Variants in ARAF observed in about 807,000 individuals in gnomAD.
The protein encoded by ARAF is A-Raf proto-oncogene, serine/threonine kinase, also known as serine/threonine-protein kinase A-Raf.
Under a neutral mutation model 48.0 loss-of-function variants are expected in ARAF, and 18 were observed. The observed-to-expected ratio is 0.37, with a 90% confidence interval of 0.26 to 0.56. The LOEUF (loss-of-function observed/expected upper bound fraction) is 0.56, where lower values mean the gene tolerates loss of function less well. Ranked by LOEUF, ARAF falls within the 20% of genes least tolerant of loss-of-function variation. ARAF has a pLI of 0.77. For synonymous variants in ARAF, 207 were observed against 220.1 expected, an observed-to-expected ratio of 0.94 and a Z score of 0.53; for missense variants, 389 against 543.1, an observed-to-expected ratio of 0.72 and a Z score of 2.82.
chrX:47,562,161 C>G (rs766682123), intron 1 of ARAF, among the ~76,000 whole-genome samples: 18 of 110,121 alleles, frequency 1.6e-4, no homozygotes, highest in African/African-American at 6.0e-4. Context: ...TCCTCTCTTT[C>G]CCATCACCGT....
In ARAF at chrX:47,567,079, C is replaced by T. The variant is rs754104664; in HGVS notation, c.821C>T (p.Ser274Leu). The change falls in exon 9 of 16, where the codon TCA (serine) becomes TTA (leucine). Residue 274 changes from serine (S) to leucine (L), a missense_variant. Ser to Leu is a moderately radical substitution (Grantham distance 145). Transcript: ENST00000377045. ...SSGRKSPHSKSPAEQRERKSL... is the reference protein window; with the variant it reads ...SSGRKSPHSKLPAEQRERKSL... ...GGGAGGAAGTCCCCACATTCCAAGTCACCAGCAGAGCAGCGCGAGCGGAAG... is the reference window on the plus strand; with the variant it reads ...GGGAGGAAGTCCCCACATTCCAAGTTACCAGCAGAGCAGCGCGAGCGGAAG... The T allele has an allele frequency of 8.2e-7, 1 of 1,212,138 alleles. No individual in the cohort carries two copies. The highest frequency in any genetic ancestry group is 2.2e-5 in the Admixed American group (1 of 46,098).
In ARAF at chrX:47,567,125, G is replaced by C; in HGVS notation, c.867G>C (p.Lys289Asn). ...RERKSLADDK[K>N]KVKNLGYRDS... Reference sequence around the variant, plus strand: ...GGAAGTCCTTGGCCGATGACAAGAAGAAAGTGGTATGCTCGAGGGGGATCC... The same window carrying C: ...GGAAGTCCTTGGCCGATGACAAGAACAAAGTGGTATGCTCGAGGGGGATCC... Residue 289 changes from lysine to asparagine, a missense_variant, in exon 9 of 16, where the codon AAG becomes AAC. Lys to Asn is a moderately conservative substitution (Grantham distance 94). This residue lies in a region of ARAF where 154 missense variants were observed against 133.6 expected (regional missense o/e 1.15). Transcript: ENST00000377045. 3 of 1,211,243 alleles carry C rather than the reference G, an allele frequency of 2.5e-6. No homozygotes were observed. Among genetic ancestry groups the C allele is most frequent in the Non-Finnish European group, 3.4e-6 (3 of 895,077 alleles).
Position 47,570,038 on chromosome X carries a change from C to T in ARAF, c.1551+14C>T. The T allele has an allele frequency of 7.5e-6, 9 of 1,203,623 alleles. No individual in the cohort carries two copies. The highest frequency in any genetic ancestry group is 1.0e-5 in the Non-Finnish European group (9 of 892,533). On this transcript the variant is annotated intron_variant, in intron 14 of 15. Transcript: ENST00000377045. ...TGCCGTGACCAGGTGAGCCCCACAC[C>T]TTACCCACAGTTCCCTGGGCTGAGG... is the stretch of plus-strand genomic sequence containing the variant.
chrX:47,561,925 C>T (rs775441061), intron 1 of ARAF, among the ~76,000 whole-genome samples: 6 of 105,941 alleles, frequency 5.7e-5, no homozygotes, highest in African/African-American at 2.1e-4. Context: ...CATTACAGTC[C>T]CTAGTGACGC....
intron 15 of ARAF, 107 bp from the exon 16 acceptor site, chrX:47,571,215 GT>G (rs767298730): frequency 0.49 from 392,599 of 801,697 alleles, 55,978 homozygotes; most frequent in South Asian, 0.65. Context: ...ACTGTTGGGT[GT>G]GTGTGTGTGT....
chrX:47,569,899 G>T lies in ARAF; in HGVS notation c.1426G>T (p.Glu476Ter). Residue 476 changes from glutamate (E) to a stop codon, truncating the protein, a stop_gained, in exon 14 of 16, where the codon GAG (glutamate) becomes TAG (stop). Transcript: ENST00000377045. LOFTEE classifies it high-confidence loss of function. ...PSGSVLWMAA[E>*]VIRMQDPNPY... ...CTGGTCTGGCCTGTTGTAGGCAGCT[G>T]AGGTGATCCGTATGCAGGACCCGAA... 1 of 1,207,202 alleles carries T rather than the reference G, an allele frequency of 8.3e-7. No homozygotes were observed. The highest frequency in any genetic ancestry group is 1.1e-6 in the Non-Finnish European group (1 of 893,575).
chrX:47,567,331 T>C lies in ARAF; in HGVS notation c.975T>C (p.Phe325=), dbSNP rs763218688. The part of the protein sequence containing the change: ...RIGTGSFGTV[F]RGRWHGDVAV... ...GGACGGGCTCGTTTGGCACCGTGTT[T>C]CGAGGGCGGTGGCATGGCGATGTGG... is the stretch of plus-strand genomic sequence containing the variant. The change falls in exon 10 of 16, where the codon TTT becomes TTC. Residue 325 remains phenylalanine, a synonymous_variant. Coordinates refer to ENST00000377045, the MANE Select transcript of ARAF (RefSeq NM_001654.5). 9.9e-6 allele frequency: 12 copies of C among 1,209,049 alleles called. No individual in the cohort carries two copies. The Admixed American group carries it at 2.6e-4, about 26-fold the overall frequency.
At chrX:47,570,838 G>A in intron 14 of ARAF, 40 bp from the exon 15 acceptor site, 1 of 1,179,493 alleles carries the variant, frequency 8.5e-7, no homozygotes, top group Non-Finnish European at 1.1e-6. Flanking sequence ...CCCAGCCCCT[G>A]ACCCCAGATC....
At chrX:47,564,739 C>G in intron 3 of ARAF, 58 bp from the exon 4 acceptor site, 1 of 1,011,616 alleles carries the variant, frequency 9.9e-7, no homozygotes, top group Non-Finnish European at 1.4e-6. Flanking sequence ...TGGGGGTTCC[C>G]TGCCTCCCCA....
chrX:47,568,630 G>A, intron 10 of ARAF, 88 bp from the exon 11 acceptor site: 1 of 981,527 alleles, frequency 1.0e-6, no homozygotes, highest in Non-Finnish European at 1.4e-6. Context: ...GACCGAGGAA[G>A]GTAAAGAACA....
chrX:47,568,918 G>A (rs764666706), intron 11 of ARAF, 24 bp downstream of exon 11: 4 of 1,201,748 alleles, frequency 3.3e-6, no homozygotes, highest in Non-Finnish European at 4.5e-6. Flanking sequence ...CCTGGGGAGG[G>A]GTGGGGGGAA....
chrX:47,561,972 C>G (rs995236867), intron 1 of ARAF, among the ~76,000 whole-genome samples: 2 of 66,679 alleles, frequency 3.0e-5, no homozygotes, highest in African/African-American at 8.7e-5. Flanking sequence ...TGTAGTGACC[C>G]CCCCCCCCCA....
Position 47,568,893 on chromosome X carries a change from G to A in ARAF, c.1252G>A (p.Asp418Asn). Residue 418 changes from aspartate to asparagine, a missense_variant and splice_region_variant, in exon 11 of 16, where the codon GAC becomes AAC. By Grantham distance (23) the Asp-to-Asn change is conservative. Around this residue, in one of 4 missense-constraint regions of ARAF, gnomAD observed 170 missense variants for 281.4 expected, o/e 0.60. Coordinates refer to ENST00000377045, the MANE Select transcript of ARAF (RefSeq NM_001654.5). ...GGCCCGGCAGACTGCCCAGGGCATG[G>A]AGTGAGCCTCCCAGCCTGGGGAGGG... ...DVARQTAQGM[D>N]YLHAKNIIHR... is the part of the protein sequence containing the mutation. 8.3e-7 allele frequency: 1 copy of A among 1,209,431 alleles called. No homozygotes were observed. The highest frequency in any genetic ancestry group is 1.1e-6 in the Non-Finnish European group (1 of 894,395).
Position 47,569,692 on chromosome X carries a change from G to T in ARAF, c.1419+35G>T. ...GCCAGGCTGGATGGGGGGCACATGG[G>T]GACGTGGGCTCCGGGATTGGGGTGT... On this transcript the variant is annotated intron_variant, in intron 13 of 15. Coordinates refer to ENST00000377045, the MANE Select transcript of ARAF (RefSeq NM_001654.5). 4 of 1,169,295 alleles carry T rather than the reference G, an allele frequency of 3.4e-6. No homozygotes were observed. The African/African-American group carries it at 7.0e-5, about 21-fold the overall frequency.
intron 13 of ARAF, 91 bp downstream of exon 13, chrX:47,569,748 G>A: frequency 9.1e-7 from 1 of 1,094,843 alleles, no homozygotes; most frequent in Non-Finnish European, 1.2e-6. Flanking sequence ...GGATGCCTGT[G>A]CCAGATGTGG....
chrX:47,569,457 T>C (rs1707487908), intron 12 of ARAF, 82 bp from the exon 13 acceptor site: 4 of 781,547 alleles, frequency 5.1e-6, no homozygotes, highest in Middle Eastern at 2.8e-4. Context: ...ATGAGTGGTA[T>C]AGGGGCACCA....
chrX:47,571,767 G>A lies in ARAF; in HGVS notation c.*310G>A. Reference sequence around the variant, plus strand: ...CAGGGATTCCACTCAGAACCTCTCTGGAATTTGTGCCTGATGTGCCTTCCA... The same window carrying A: ...CAGGGATTCCACTCAGAACCTCTCTAGAATTTGTGCCTGATGTGCCTTCCA... On this transcript the variant is annotated 3_prime_UTR_variant, in exon 16 of 16. Transcript: ENST00000377045. 7.2e-6 allele frequency: 2 copies of A among 276,360 alleles called. No homozygotes were observed. Among genetic ancestry groups the A allele is most frequent in the Non-Finnish European group, 1.3e-5 (2 of 158,417 alleles). The allele number at this position is 276,360 out of a possible 1,213,427, so 22.8% of individuals were successfully genotyped here.
chrX:47,568,948 A>G, intron 11 of ARAF, 39 bp from the exon 12 acceptor site: 5 of 1,199,390 alleles, frequency 4.2e-6, no homozygotes, highest in Non-Finnish European at 5.6e-6. Flanking sequence ...GAAATGAGGT[A>G]ACCCCCAGCC....
chrX:47,564,725 C>T, intron 3 of ARAF, 72 bp from the exon 4 acceptor site: 4 of 875,865 alleles, frequency 4.6e-6, no homozygotes, highest in Non-Finnish European at 6.6e-6. Flanking sequence ...CTTGGAGGGA[C>T]TTGTGGGGGT....
Sources: gnomAD v4.1 joint callset for allele counts (sites outside exome capture counted in the v4.1 genomes callset) on GRCh38, gnomAD v4.1.1 for gene constraint, gnomAD v4.1.1 regional missense constraint, MANE v1.5 for transcripts, NCBI Gene and HGNC (gene_info 2026-07-23, HGNC 2026-07-21) for gene names.